CDC14A: variants seen among roughly 807,000 people sequenced by gnomAD.
The protein encoded by CDC14A is cell division cycle 14A, also known as dual specificity protein phosphatase CDC14A.
In CDC14A, 53 loss-of-function variants were observed where a neutral mutation model predicts 74.4. That is an observed-to-expected ratio of 0.71 (90% CI 0.57 to 0.89). The LOEUF (loss-of-function observed/expected upper bound fraction) is 0.89, where lower values mean the gene tolerates loss of function less well. Among genes scored for constraint, CDC14A ranks in the 40% least tolerant of loss-of-function variants. The probability of loss-of-function intolerance (pLI) is 0.00; values close to 1 mark genes in which losing one functional copy is unlikely to be tolerated. For synonymous variants in CDC14A, 247 were observed against 258.4 expected (o/e 0.96, Z 0.43); for missense variants, 646 against 713.7 (o/e 0.91, Z 1.08).
intron 2 of CDC14A, among the ~76,000 whole-genome samples, chr1:100,376,158 G>C (rs1328541910): frequency 6.6e-6 from 1 of 152,144 alleles, no homozygotes; most frequent in South Asian, 2.1e-4. Flanking sequence ...GTCATGGGGT[G>C]GGGGGATGGG....
At chr1:100,384,498 A>G (rs1357089034) in intron 3 of CDC14A, among the ~76,000 whole-genome samples, 1 of 152,194 alleles carries the variant, frequency 6.6e-6, no homozygotes, top group Admixed American at 6.5e-5. Flanking sequence ...GCCTTGGCCA[A>G]TATTTTGCAT....
Position 100,389,462 on chromosome 1 carries a change from A to AAAAT in CDC14A, c.217-1269_217-1268insAATA, listed in dbSNP as rs1553173939. Among the ~76,000 whole-genome samples, 4 of 149,816 alleles carry AAAAT rather than the reference A, an allele frequency of 2.7e-5. No individual in the cohort carries two copies. In the South Asian group the frequency reaches 6.3e-4, roughly 24 times the overall value. ...GCGAGAATCTGTCTCAAAAAAAAAA[A>AAAAT]ATATATATATATGTGTATATATATA... On this transcript the variant is annotated intron_variant, in intron 3 of 15. Transcript: ENST00000336454.
intron 1 of CDC14A, among the ~76,000 whole-genome samples, chr1:100,353,274 A>T (rs918228936): frequency 6.6e-6 from 1 of 152,204 alleles, no homozygotes; most frequent in Non-Finnish European, 1.5e-5. Flanking sequence ...GGCACTCAGC[A>T]GCTCATGGGG....
intron 11 of CDC14A, chr1:100,484,736 TA>T: frequency 9.8e-7 from 1 of 1,018,874 alleles, no homozygotes; most frequent in Non-Finnish European, 1.2e-6. Context: ...ATTTGAAAAT[TA>T]AAATAAATAT....
intron 4 of CDC14A, among the ~76,000 whole-genome samples, chr1:100,397,358 T>A (rs1658655415): frequency 6.6e-6 from 1 of 152,194 alleles, no homozygotes; most frequent in Non-Finnish European, 1.5e-5. Flanking sequence ...GTCAGAAAGG[T>A]GTTTCCCTTC....
intron 15 of CDC14A, among the ~76,000 whole-genome samples, chr1:100,514,242 A>G (rs1650017823): frequency 6.6e-6 from 1 of 152,174 alleles, no homozygotes; most frequent in Admixed American, 6.5e-5. Flanking sequence ...TCATTAATTC[A>G]TTATTGTAAC....
chr1:100,472,244 G>T (rs1028103405), intron 10 of CDC14A, among the ~76,000 whole-genome samples: 8 of 152,120 alleles, frequency 5.3e-5, no homozygotes, highest in Admixed American at 2.0e-4. Flanking sequence ...CTTATCTTTT[G>T]GTACAGCTAT....
Position 100,437,865 on chromosome 1 carries a change from A to AT in CDC14A, c.390-2055dup, listed in dbSNP as rs531836302. Among the ~76,000 whole-genome samples, 948 of 147,686 alleles carry AT rather than the reference A, an allele frequency of 6.4e-3. 17 individuals carry two copies. Among genetic ancestry groups the AT allele is most frequent in the African/African-American group, 0.021 (866 of 40,452 alleles). ...ATAAGGGATACCTCTACATCTTGTA[A>AT]TTTTTTTTTTTTACTTTTTTTAAAT... is the stretch of plus-strand genomic sequence containing the variant. On this transcript the variant is annotated intron_variant, in intron 5 of 15. Transcript: ENST00000336454.
At chr1:100,459,101 G>GCACACACA (rs545033793) in intron 8 of CDC14A, among the ~76,000 whole-genome samples, 7 of 143,690 alleles carry the variant, frequency 4.9e-5, no homozygotes, top group Non-Finnish European at 9.1e-5. Context: ...ACACACACAC[G>GCACACACA]CACACACACA....
At chr1:100,396,079 C>A (rs183778003) in intron 4 of CDC14A, among the ~76,000 whole-genome samples, 21 of 152,330 alleles carry the variant, frequency 1.4e-4, no homozygotes, top group African/African-American at 4.3e-4. Flanking sequence ...ATCTCTTTCC[C>A]AGACTAGAGG....
chr1:100,426,365 A>G (rs529019953), intron 5 of CDC14A, among the ~76,000 whole-genome samples: 1 of 152,264 alleles, frequency 6.6e-6, no homozygotes, highest in African/African-American at 2.4e-5. Context: ...CACTTGCATC[A>G]GCCTCCCAAA....
At chr1:100,441,381 T>C (rs1664906942) in intron 6 of CDC14A, among the ~76,000 whole-genome samples, 2 of 152,212 alleles carry the variant, frequency 1.3e-5, no homozygotes, top group African/African-American at 4.8e-5. Flanking sequence ...CACCATATTC[T>C]GGGCTATTTT....
At chr1:100,490,283 G>A (rs577878683) in intron 11 of CDC14A, among the ~76,000 whole-genome samples, 1 of 152,154 alleles carries the variant, frequency 6.6e-6, no homozygotes, top group African/African-American at 2.4e-5. Flanking sequence ...TCTTAATTCT[G>A]TAATTTAATG....
At chr1:100,435,713 C>T (rs987202055) in intron 5 of CDC14A, among the ~76,000 whole-genome samples, 17 of 151,842 alleles carry the variant, frequency 1.1e-4, no homozygotes, top group African/African-American at 3.9e-4. Flanking sequence ...CCTGTAATCC[C>T]AGCTACCCGG....
intron 5 of CDC14A, among the ~76,000 whole-genome samples, chr1:100,428,740 C>G (rs547229410): frequency 6.6e-6 from 1 of 152,060 alleles, no homozygotes; most frequent in Non-Finnish European, 1.5e-5. Context: ...TTTAAAGTCC[C>G]GCAAAACATT....
At chr1:100,435,421 G>A (rs1016158388) in intron 5 of CDC14A, among the ~76,000 whole-genome samples, 4 of 152,102 alleles carry the variant, frequency 2.6e-5, no homozygotes, top group African/African-American at 9.7e-5. Flanking sequence ...AATGGGGAGT[G>A]ACTGCAAATG....
chr1:100,494,288 G>T (rs1373847603), intron 11 of CDC14A, among the ~76,000 whole-genome samples: 2 of 152,180 alleles, frequency 1.3e-5, no homozygotes, highest in African/African-American at 4.8e-5. Context: ...CAGAAGGAAA[G>T]ATCTAGTGAA....
At chr1:100,509,261 C>G (rs1007339437) in intron 15 of CDC14A, among the ~76,000 whole-genome samples, 15 of 152,162 alleles carry the variant, frequency 9.9e-5, no homozygotes, top group Non-Finnish European at 2.2e-4. Context: ...CTCACCAGAC[C>G]ATAGCAATCA....
chr1:100,351,949 G>T, upstream of CDC14A: 1 of 734,062 alleles, frequency 1.4e-6, no homozygotes, highest in South Asian at 1.8e-5. Context: ...GCGAGGCAGG[G>T]CACGGAGATC....
Sources: allele counts gnomAD v4.1 joint callset (sites outside exome capture counted in the v4.1 genomes callset), GRCh38; gene constraint gnomAD v4.1.1; transcripts MANE v1.5; gene names NCBI Gene and HGNC (gene_info 2026-07-23, HGNC 2026-07-21).